MAP3K13: variants seen among roughly 807,000 people sequenced by gnomAD.
The protein encoded by MAP3K13 is mitogen-activated protein kinase kinase kinase 13.
In MAP3K13, 52 loss-of-function variants were observed where a neutral mutation model predicts 104.0. That is an observed-to-expected ratio of 0.50 (90% CI 0.40 to 0.63). The LOEUF (loss-of-function observed/expected upper bound fraction) is 0.63. Among genes scored for constraint, MAP3K13 ranks in the 20% least tolerant of loss-of-function variants. The probability of loss-of-function intolerance (pLI) is 0.00; values close to 1 mark genes in which losing one functional copy is unlikely to be tolerated. For synonymous variants in MAP3K13, 394 were observed against 442.2 expected (o/e 0.89, Z 1.37); for missense variants, 914 against 1,218.5 (o/e 0.75, Z 3.72).
At chr3:185,341,692 A>C (rs1447425767) in intron 2 of MAP3K13, among the ~76,000 whole-genome samples, 1 of 152,200 alleles carries the variant, frequency 6.6e-6, no homozygotes, top group African/African-American at 2.4e-5. Flanking sequence ...CTTCTAATGA[A>C]TAGAATAAAG....
At chr3:185,328,408 C>A (rs533492295) in intron 2 of MAP3K13, among the ~76,000 whole-genome samples, 2 of 152,084 alleles carry the variant, frequency 1.3e-5, no homozygotes, top group Admixed American at 6.6e-5. Flanking sequence ...CACCACCACA[C>A]CCAGCTAATT....
intron 1 of MAP3K13, chr3:185,417,863 G>A (rs1446780958): frequency 5.0e-6 from 8 of 1,605,626 alleles, no homozygotes; most frequent in Non-Finnish European, 6.0e-6. Context: ...ATCTTCTTGC[G>A]TGGTGCTCAA....
At chr3:185,283,343 G>T (rs1720378447) in intron 1 of MAP3K13, among the ~76,000 whole-genome samples, 1 of 152,152 alleles carries the variant, frequency 6.6e-6, no homozygotes, top group Non-Finnish European at 1.5e-5. Context: ...CTGGGGCACT[G>T]AGATGAGTTG....
At chr3:185,381,938 G>A (rs1467299052) in intron 1 of MAP3K13, among the ~76,000 whole-genome samples, 2 of 152,190 alleles carry the variant, frequency 1.3e-5, no homozygotes, top group Non-Finnish European at 2.9e-5. Context: ...AGTGCTCACT[G>A]AGGCTTTATA....
chr3:185,358,320 T>A (rs1385697842), upstream of MAP3K13, among the ~76,000 whole-genome samples: 3 of 152,118 alleles, frequency 2.0e-5, no homozygotes, highest in Non-Finnish European at 4.4e-5. Context: ...GAACAGAAAA[T>A]TTTTCCTTCA....
chr3:185,465,681 T>G (rs1163293767), intron 8 of MAP3K13, 66 bp from the exon 9 acceptor site: 1 of 1,053,588 alleles, frequency 9.5e-7, no homozygotes, highest in Non-Finnish European at 1.5e-6. Flanking sequence ...TGTTTCTTAT[T>G]TCATCAAGCG....
At chr3:185,307,560 C>G (rs1432031049) in intron 2 of MAP3K13, among the ~76,000 whole-genome samples, 1 of 145,140 alleles carries the variant, frequency 6.9e-6, no homozygotes, top group Non-Finnish European at 1.5e-5. Context: ...CCCGCCACCC[C>G]GAGATGCAGT....
intron 2 of MAP3K13, among the ~76,000 whole-genome samples, chr3:185,298,246 T>TCA (rs893569652): frequency 1.3e-5 from 2 of 152,166 alleles, no homozygotes; most frequent in Non-Finnish European, 2.9e-5. Flanking sequence ...ACATTTGAAG[T>TCA]CACATCTGTC....
At chr3:185,401,961 A>G (rs1665628025) in intron 1 of MAP3K13, among the ~76,000 whole-genome samples, 2 of 152,304 alleles carry the variant, frequency 1.3e-5, no homozygotes, top group South Asian at 4.1e-4. Flanking sequence ...TATAACCTAT[A>G]ATTTTTAGTT....
chr3:185,482,572 T>C lies in MAP3K13; in HGVS notation c.*116T>C. 1.4e-6 allele frequency: 1 copy of C among 706,358 alleles called. No homozygotes were observed. Among genetic ancestry groups the C allele is most frequent in the Non-Finnish European group, 2.5e-6 (1 of 404,794 alleles). 43.8% of individuals were successfully genotyped at this position (706,358 alleles called of 1,614,324 possible). On this transcript the variant is annotated 3_prime_UTR_variant, in exon 14 of 14. Transcript: ENST00000265026. The surrounding 1 kb of genome is among the most constrained non-coding windows in gnomAD (Gnocchi z 4.5). The stretch of plus-strand genomic sequence containing the variant: ...TTGTCTGGGAAGAGAGACTACCCCA[T>C]CTTTACCACCCCCTAGAAATGAGCT...
intron 5 of MAP3K13, among the ~76,000 whole-genome samples, chr3:185,448,364 T>G (rs1291032190): frequency 6.6e-6 from 1 of 152,208 alleles, no homozygotes; most frequent in East Asian, 1.9e-4. Context: ...TATGATACAA[T>G]TATGTTCTCT....
chr3:185,373,550 T>A (rs9834603), intron 1 of MAP3K13, among the ~76,000 whole-genome samples: 109,523 of 151,606 alleles, frequency 0.72, 42,019 homozygotes, highest in Non-Finnish European at 0.86. Flanking sequence ...GCCGAGGCAC[T>A]AGAATCACTT....
In MAP3K13 at chr3:185,482,895, C is replaced by T. The variant is rs952730560; in HGVS notation, c.*439C>T. The T allele has an allele frequency of 3.0e-5, 7 of 234,208 alleles. No homozygotes were observed. Among genetic ancestry groups the T allele is most frequent in the Admixed American group, 5.6e-5 (1 of 17,798 alleles). The allele number at this position is 234,208 out of a possible 1,614,324, so 14.5% of individuals were successfully genotyped here. ...CAACATCCTTGGGAATTTGTGGGGC[C>T]GGGAGGTATTATTGCTGCTTGAACA... is the stretch of plus-strand genomic sequence containing the variant. On this transcript the variant is annotated 3_prime_UTR_variant, in exon 14 of 14. Coordinates refer to ENST00000265026, the MANE Select transcript of MAP3K13 (RefSeq NM_004721.5). This position sits in a 1 kb window ranked among gnomAD's most constrained non-coding sequence, Gnocchi z 4.5.
intron 2 of MAP3K13, among the ~76,000 whole-genome samples, chr3:185,334,611 T>C (rs921078785): frequency 6.6e-6 from 1 of 151,916 alleles, no homozygotes. Context: ...TTCTTTTTTT[T>C]TTTTTCTTTT....
At chr3:185,393,297 A>G (rs1270052092) in intron 1 of MAP3K13, among the ~76,000 whole-genome samples, 1 of 152,244 alleles carries the variant, frequency 6.6e-6, no homozygotes, top group East Asian at 1.9e-4. Context: ...ATACGCAATC[A>G]GGAATGCGGA....
chr3:185,301,561 T>C (rs1721111587), intron 2 of MAP3K13, among the ~76,000 whole-genome samples: 1 of 152,212 alleles, frequency 6.6e-6, no homozygotes, highest in African/African-American at 2.4e-5. Flanking sequence ...TTTTCCCCTG[T>C]GTTATCTTCC....
At chr3:185,306,908 G>A (rs752967396) in intron 2 of MAP3K13, among the ~76,000 whole-genome samples, 6 of 152,146 alleles carry the variant, frequency 3.9e-5, no homozygotes, top group African/African-American at 2.4e-5. Flanking sequence ...GATTATTACA[G>A]TTTGAGGTCT....
At position 185,482,622 on chromosome 3, in the gene MAP3K13, G is replaced by A. The variant is rs1174928370; in HGVS notation, c.*166G>A. 14 of 530,184 alleles carry A rather than the reference G, an allele frequency of 2.6e-5. No individual in the cohort carries two copies. Among genetic ancestry groups the A allele is most frequent in the Non-Finnish European group, 4.0e-5 (12 of 299,028 alleles). 32.8% of individuals were successfully genotyped at this position (530,184 alleles called of 1,614,324 possible). On this transcript the variant is annotated 3_prime_UTR_variant, in exon 14 of 14. Transcript: ENST00000265026. The surrounding 1 kb of genome is among the most constrained non-coding windows in gnomAD (Gnocchi z 4.5). ...TGCAATAACAGGAACATGAGACTTC[G>A]CAAATCTCTGGAAAATAATATCCAA... is the stretch of plus-strand genomic sequence containing the variant.
chr3:185,322,296 C>G (rs1157942178), intron 2 of MAP3K13, among the ~76,000 whole-genome samples: 1 of 152,192 alleles, frequency 6.6e-6, no homozygotes, highest in African/African-American at 2.4e-5. Context: ...TTAGGCTTCA[C>G]TGAAAGTGAA....
Sources: gnomAD v4.1 joint callset for allele counts (sites outside exome capture counted in the v4.1 genomes callset) on GRCh38, gnomAD v4.1.1 for gene constraint, Gnocchi (gnomAD v3.1) non-coding constraint, MANE v1.5 for transcripts, NCBI Gene and HGNC (gene_info 2026-07-23, HGNC 2026-07-21) for gene names.